TMEM26: variants seen among roughly 807,000 people sequenced by gnomAD.
The protein encoded by TMEM26 is transmembrane protein 26.
Under a neutral mutation model 28.8 loss-of-function variants are expected in TMEM26, and 38 were observed. The ratio of observed to expected loss-of-function variants is 1.32; its 90% confidence interval spans 1.02 to 1.73. TMEM26 has a LOEUF of 1.73. Among genes scored for constraint, TMEM26 ranks in the 40% most tolerant of loss-of-function variants. TMEM26 has a pLI of 0.00. For missense variants in TMEM26, 518 were observed against 447.1 expected, an observed-to-expected ratio of 1.16 and a Z score of -1.43; for synonymous variants, 227 against 182.9, an observed-to-expected ratio of 1.24 and a Z score of -1.95.
chr10:61,424,896 A>G (rs888051917), intron 4 of TMEM26, among the ~76,000 whole-genome samples: 2 of 152,220 alleles, frequency 1.3e-5, no homozygotes, highest in African/African-American at 4.8e-5. Context: ...TAAAAAATAA[A>G]CTTGGAACCT....
chr10:61,413,167 G>A (rs547940202), intron 5 of TMEM26, among the ~76,000 whole-genome samples: 1 of 152,208 alleles, frequency 6.6e-6, no homozygotes, highest in South Asian at 2.1e-4. Context: ...AGACACAGAT[G>A]TATTACCTGG....
intron 3 of TMEM26, among the ~76,000 whole-genome samples, chr10:61,430,885 T>A (rs1453080120): frequency 2.0e-5 from 3 of 151,934 alleles, no homozygotes; most frequent in Non-Finnish European, 4.4e-5. Context: ...AAAAAATAAA[T>A]CTTAAAATTA....
In TMEM26 at chr10:61,441,909, G is replaced by GT. The variant is rs565040154; in HGVS notation, c.192-5662dup. Among the ~76,000 whole-genome samples the GT allele has an allele frequency of 2.9e-4, 44 of 152,080 alleles. 1 individual carries two copies. Among genetic ancestry groups the GT allele is most frequent in the African/African-American group, 8.4e-4 (35 of 41,494 alleles). On this transcript the variant is annotated intron_variant, in intron 1 of 5. Transcript: ENST00000399298. ...AAATCTTTCTTTTCCATGAAGTTGT[G>GT]TTTTTTTGTTTTAATTCCATAGCTC...
chr10:61,427,085 T>A lies in TMEM26; in HGVS notation c.605+1841A>T, dbSNP rs116923807. On this transcript the variant is annotated intron_variant, in intron 4 of 5. Transcript: ENST00000399298. Reference sequence around the variant, plus strand: ...ATTAAAAATGAAAATGACTTCAACCTGAGACAATGAAAATTGAAAACAAAT... The same window carrying A: ...ATTAAAAATGAAAATGACTTCAACCAGAGACAATGAAAATTGAAAACAAAT... 2.1e-3 allele frequency among the ~76,000 whole-genome samples: 322 copies of A among 152,088 alleles called. 6 individuals are homozygous for A. The highest frequency in any genetic ancestry group is 0.015 in the Admixed American group (224 of 15,244).
intron 1 of TMEM26, among the ~76,000 whole-genome samples, chr10:61,442,136 T>C (rs1254631060): frequency 6.6e-6 from 1 of 152,192 alleles, no homozygotes; most frequent in Non-Finnish European, 1.5e-5. Flanking sequence ...ATTGCTTTTG[T>C]CAGTTCATTT....
chr10:61,410,911 G>A (rs1272899798), intron 5 of TMEM26, among the ~76,000 whole-genome samples, 165 bp from the exon 6 acceptor site: 2 of 152,158 alleles, frequency 1.3e-5, no homozygotes, highest in African/African-American at 4.8e-5. Flanking sequence ...TTAATTCAGG[G>A]TGGAACAAGT....
chr10:61,411,047 A>G (rs1564471015), intron 5 of TMEM26, among the ~76,000 whole-genome samples: 1 of 152,188 alleles, frequency 6.6e-6, no homozygotes, highest in Non-Finnish European at 1.5e-5. Flanking sequence ...TTATAGCCCA[A>G]GCTCCTTGTG....
chr10:61,419,565 C>A (rs1564473893), intron 4 of TMEM26, among the ~76,000 whole-genome samples: 1 of 151,978 alleles, frequency 6.6e-6, no homozygotes, highest in Non-Finnish European at 1.5e-5. Flanking sequence ...CAATTGGACT[C>A]TACATCTGGA....
At chr10:61,414,145 T>G (rs1012191048) in intron 4 of TMEM26, 1 of 718,552 alleles carries the variant, frequency 1.4e-6, no homozygotes, top group Non-Finnish European at 1.7e-6. Flanking sequence ...GGATACAACA[T>G]ATATTTATGG....
intron 1 of TMEM26, among the ~76,000 whole-genome samples, chr10:61,439,485 A>C (rs900055294): frequency 6.6e-6 from 1 of 152,220 alleles, no homozygotes; most frequent in Non-Finnish European, 1.5e-5. Flanking sequence ...GTCAATAGAG[A>C]CTACTGATAT....
chr10:61,429,539 A>G (rs575877463), intron 3 of TMEM26, among the ~76,000 whole-genome samples: 1 of 152,218 alleles, frequency 6.6e-6, no homozygotes, highest in South Asian at 2.1e-4. Context: ...TTTTTCTTTA[A>G]TAGATTTTTA....
chr10:61,442,719 T>A (rs1221604618), intron 1 of TMEM26, among the ~76,000 whole-genome samples: 1 of 152,192 alleles, frequency 6.6e-6, no homozygotes, highest in Admixed American at 6.5e-5. Flanking sequence ...GTCATGATAT[T>A]CTTTTCTAAG....
At chr10:61,425,767 A>C (rs1396313549) in intron 4 of TMEM26, among the ~76,000 whole-genome samples, 2 of 152,184 alleles carry the variant, frequency 1.3e-5, no homozygotes, top group African/African-American at 4.8e-5. Flanking sequence ...AGAAGGGTAT[A>C]ACAAAAAAGA....
chr10:61,447,127 C>T (rs1294823926), intron 1 of TMEM26, among the ~76,000 whole-genome samples: 1 of 152,156 alleles, frequency 6.6e-6, no homozygotes, highest in Non-Finnish European at 1.5e-5. Context: ...ATTTCCAGTG[C>T]CCAAGTTGGC....
intron 3 of TMEM26, 129 bp downstream of exon 3, chr10:61,431,090 C>T (rs1461144614): frequency 8.8e-6 from 6 of 678,816 alleles, no homozygotes; most frequent in African/African-American, 3.7e-5. Flanking sequence ...TTTGTGAATT[C>T]CTAAGCCAAA....
chr10:61,440,076 C>T (rs150797742), intron 1 of TMEM26, among the ~76,000 whole-genome samples: 3,194 of 152,110 alleles, frequency 0.021, 59 homozygotes, highest in South Asian at 0.07. Context: ...CCCATCTCTA[C>T]TAAAAATACA....
At chr10:61,449,180 T>A (rs1201924282) in intron 1 of TMEM26, among the ~76,000 whole-genome samples, 1 of 152,166 alleles carries the variant, frequency 6.6e-6, no homozygotes, top group Non-Finnish European at 1.5e-5. Context: ...CAGGAGTACA[T>A]ATTTTTTTTA....
At chr10:61,447,445 G>A (rs948275090) in intron 1 of TMEM26, among the ~76,000 whole-genome samples, 3 of 152,128 alleles carry the variant, frequency 2.0e-5, no homozygotes, top group African/African-American at 7.2e-5. Context: ...GATCTAAACA[G>A]ATTTCAGTGA....
At chr10:61,423,015 G>A (rs1839773808) in intron 4 of TMEM26, among the ~76,000 whole-genome samples, 1 of 151,984 alleles carries the variant, frequency 6.6e-6, no homozygotes, top group Admixed American at 6.6e-5. Context: ...TGAAAAAGGA[G>A]GGTACCACAA....
Sources: allele counts gnomAD v4.1 joint callset (sites outside exome capture counted in the v4.1 genomes callset), GRCh38; gene constraint gnomAD v4.1.1; transcripts MANE v1.5; gene names NCBI Gene and HGNC (gene_info 2026-07-23, HGNC 2026-07-21).